Variants in NACC2 observed in about 807,000 individuals in gnomAD.
NACC2 encodes the protein nucleus accumbens-associated protein 2.
A neutral mutation model predicts 25.1 loss-of-function variants in NACC2; 8 were observed. That is an observed-to-expected ratio of 0.32 (90% CI 0.19 to 0.57). The LOEUF (loss-of-function observed/expected upper bound fraction) is 0.57. Among genes scored for constraint, NACC2 ranks in the 20% least tolerant of loss-of-function variants. The pLI is 0.89. For missense variants in NACC2, 644 were observed against 650.2 expected (o/e 0.99, Z 0.10); for synonymous variants, 435 against 294.7 (o/e 1.48, Z -4.88).
rs537118472 is a variant in NACC2 at position 136,012,325 on chromosome 9, T to C, written c.1256-301A>G. ...TGTTTTTAATCTCTCCGGGCTTCCG[T>C]AGCCCCAACGGCTAACGGGAACTGG... is the stretch of plus-strand genomic sequence containing the variant. On this transcript the variant is annotated intron_variant, in intron 5 of 5. Transcript: ENST00000277554. Among the ~76,000 whole-genome samples the C allele has an allele frequency of 3.9e-5, 6 of 152,362 alleles. No homozygotes were observed. In the South Asian group the frequency reaches 1.2e-3, roughly 32 times the overall value.
At position 136,089,271 on chromosome 9, in the gene NACC2, G is replaced by C. The variant is rs553372264; in HGVS notation, c.-60+5918C>G. Among the ~76,000 whole-genome samples the C allele has an allele frequency of 4.6e-5, 7 of 152,210 alleles. No individual in the cohort carries two copies. The East Asian group carries it at 1.4e-3, about 30-fold the overall frequency. On this transcript the variant is annotated intron_variant, in intron 1 of 5. Transcript: ENST00000277554. ...TGAGCCAGGCTCTGGCCAGGGCCCA[G>C]GGCCTCAAAGGAGGACCCACGGGCC...
At chr9:136,030,812 C>A (rs1031224081) in intron 2 of NACC2, among the ~76,000 whole-genome samples, 3 of 151,982 alleles carry the variant, frequency 2.0e-5, no homozygotes, top group Non-Finnish European at 4.4e-5. Flanking sequence ...CAGGCACACA[C>A]CTCCATGCCT....
intron 1 of NACC2, among the ~76,000 whole-genome samples, chr9:136,075,805 C>G (rs544468135): frequency 3.9e-5 from 6 of 152,204 alleles, no homozygotes; most frequent in Non-Finnish European, 8.8e-5. Flanking sequence ...GGTTTGGGCT[C>G]TGAGGCTCGG....
intron 1 of NACC2, among the ~76,000 whole-genome samples, chr9:136,091,555 G>T (rs191593011): frequency 9.0e-4 from 137 of 152,318 alleles, no homozygotes; most frequent in African/African-American, 3.0e-3. Flanking sequence ...GCCGGTCCCG[G>T]AGTTCATGTC....
At chr9:136,065,643 C>A (rs1177812836) in intron 1 of NACC2, among the ~76,000 whole-genome samples, 6 of 150,924 alleles carry the variant, frequency 4.0e-5, no homozygotes, top group Non-Finnish European at 8.8e-5. Context: ...AGTAAATAAA[C>A]AAATAATAAA....
chr9:136,024,294 G>T (rs1840347954), intron 2 of NACC2, among the ~76,000 whole-genome samples: 1 of 144,058 alleles, frequency 6.9e-6, no homozygotes, highest in African/African-American at 2.6e-5. Flanking sequence ...GAGGGTGCGT[G>T]TGTGTGAGGA....
chr9:136,076,852 C>CA (rs1397466698), intron 1 of NACC2, among the ~76,000 whole-genome samples: 3 of 151,702 alleles, frequency 2.0e-5, no homozygotes, highest in East Asian at 3.9e-4. Flanking sequence ...ACTAAAAATA[C>CA]AAAAAAAATT....
rs375436694 is a variant in NACC2, at chr9:136,084,545, G to A, written c.-60+10644C>T. Among the ~76,000 whole-genome samples the A allele has an allele frequency of 5.3e-5, 8 of 152,154 alleles. No homozygotes were observed. Among genetic ancestry groups the A allele is most frequent in the South Asian group, 4.1e-4 (2 of 4,828 alleles). ...AATCTGTCAAACTGGCCCAGACCCC[G>A]GAGTCAGGGTCACGAAGGCCATGGA... On this transcript the variant is annotated intron_variant, in intron 1 of 5. Transcript: ENST00000277554. The surrounding 1 kb of genome is among the most constrained non-coding windows in gnomAD (Gnocchi z 5.1).
chr9:136,085,993 A>G (rs1830375375), intron 1 of NACC2, among the ~76,000 whole-genome samples: 1 of 151,778 alleles, frequency 6.6e-6, no homozygotes, highest in Admixed American at 6.6e-5. Flanking sequence ...CAGAGCCCAG[A>G]GACTGGGCAC....
At chr9:136,026,659 C>G (rs1172281509) in intron 2 of NACC2, among the ~76,000 whole-genome samples, 1 of 152,194 alleles carries the variant, frequency 6.6e-6, no homozygotes, top group South Asian at 2.1e-4. Flanking sequence ...GACAAAGGCA[C>G]GTCTAGTGGT....
intron 1 of NACC2, among the ~76,000 whole-genome samples, chr9:136,087,034 T>C (rs10776881): frequency 0.95 from 144,670 of 152,320 alleles, 69,127 homozygotes; most frequent in East Asian, 1. Flanking sequence ...GACCCTAACA[T>C]GCATCCTTAC....
chr9:136,039,872 C>G (rs923375879), intron 2 of NACC2, among the ~76,000 whole-genome samples: 2 of 152,192 alleles, frequency 1.3e-5, no homozygotes, highest in South Asian at 2.1e-4. Flanking sequence ...TTCACCACTT[C>G]CACTCAATCT....
At chr9:136,041,998 A>C (rs1840640544) in intron 2 of NACC2, among the ~76,000 whole-genome samples, 1 of 151,038 alleles carries the variant, frequency 6.6e-6, no homozygotes. Context: ...CCTTCAAAAC[A>C]ATTTCTTTTT....
chr9:136,088,852 G>A (rs377361847), intron 1 of NACC2, among the ~76,000 whole-genome samples: 74 of 152,314 alleles, frequency 4.9e-4, no homozygotes, highest in African/African-American at 1.4e-3. Flanking sequence ...CCCAAGCCCC[G>A]AGGGGAGCCA....
At chr9:136,071,086 C>T (rs868002351) in intron 1 of NACC2, among the ~76,000 whole-genome samples, 9 of 151,008 alleles carry the variant, frequency 6.0e-5, no homozygotes, top group South Asian at 2.1e-4. Context: ...TTTAAAAATT[C>T]GCCAGACATG....
chr9:136,010,504 G>A lies in NACC2; in HGVS notation c.*1012C>T, dbSNP rs772343752. The A allele has an allele frequency of 5.3e-5, 8 of 152,242 alleles. No individual in the cohort carries two copies. The highest frequency in any genetic ancestry group is 1.2e-4 in the Non-Finnish European group (8 of 68,086). The allele number at this position is 152,242 out of a possible 1,614,324, so 9.4% of individuals were successfully genotyped here. ...CGAGTGGTCCCTGGCCCTGGGCGGG[G>A]GAGCAGGGGGACGCACCCTAACGGC... On this transcript the variant is annotated 3_prime_UTR_variant, in exon 6 of 6. Transcript: ENST00000277554. This position sits in a 1 kb window ranked among gnomAD's most constrained non-coding sequence, Gnocchi z 4.9.
chr9:136,011,276 A>G lies in NACC2; in HGVS notation c.*240T>C, dbSNP rs943828566. Reference sequence around the variant, plus strand: ...CTACACTTGGAGGCTGACCTTGTGAATATCAAAAGGGAGCCCTGGGAACTT... The same window carrying G: ...CTACACTTGGAGGCTGACCTTGTGAGTATCAAAAGGGAGCCCTGGGAACTT... On this transcript the variant is annotated 3_prime_UTR_variant, in exon 6 of 6. Transcript: ENST00000277554. 1 of 348,886 alleles carries G rather than the reference A, an allele frequency of 2.9e-6. No homozygotes were observed. The allele number at this position is 348,886 out of a possible 1,614,324, so 21.6% of individuals were successfully genotyped here. A position where few individuals can be genotyped will look rare whatever the true frequency, so the allele number is the denominator to read the frequency against.
intron 1 of NACC2, among the ~76,000 whole-genome samples, chr9:136,070,296 A>G (rs935793958): frequency 2.0e-5 from 3 of 151,596 alleles, no homozygotes; most frequent in Non-Finnish European, 4.4e-5. Context: ...TCACAAGGTC[A>G]GGAGTTCAAG....
At chr9:136,049,061 G>A (rs1355784837) in intron 2 of NACC2, among the ~76,000 whole-genome samples, 1 of 152,232 alleles carries the variant, frequency 6.6e-6, no homozygotes, top group East Asian at 1.9e-4. Flanking sequence ...GCTGTAACCA[G>A]GAATCTCCAA....
Sources: gnomAD v4.1 joint callset for allele counts (sites outside exome capture counted in the v4.1 genomes callset) on GRCh38, gnomAD v4.1.1 for gene constraint, Gnocchi (gnomAD v3.1) non-coding constraint, MANE v1.5 for transcripts, NCBI Gene and HGNC (gene_info 2026-07-23, HGNC 2026-07-21) for gene names.